Variants in BBX observed in about 807,000 individuals in gnomAD.
The protein encoded by BBX is HMG box transcription factor BBX.
A neutral mutation model predicts 100.2 loss-of-function variants in BBX; 30 were observed. The observed-to-expected ratio is 0.30, with a 90% CI of 0.22 to 0.41. BBX has a LOEUF of 0.41. BBX is among the 10% of genes least tolerant of loss of function. BBX has a pLI of 1.00. For missense variants in BBX, 1,023 were observed against 1,129.8 expected (o/e 0.91, Z 1.35); for synonymous variants, 376 against 388.1 (o/e 0.97, Z 0.37).
At chr3:107,725,338 A>G (rs974072991) in intron 5 of BBX, among the ~76,000 whole-genome samples, 33 of 152,268 alleles carry the variant, frequency 2.2e-4, no homozygotes, top group East Asian at 3.9e-4. Flanking sequence ...TAGATATACA[A>G]TCATGTCATC....
At chr3:107,752,321 A>T (rs926640184) in intron 9 of BBX, among the ~76,000 whole-genome samples, 1 of 152,208 alleles carries the variant, frequency 6.6e-6, no homozygotes, top group African/African-American at 2.4e-5. Context: ...ATTACAGTTG[A>T]TTAAAAACAC....
chr3:107,705,596 T>A (rs2061345517), intron 3 of BBX, among the ~76,000 whole-genome samples: 1 of 152,210 alleles, frequency 6.6e-6, no homozygotes. Flanking sequence ...TGGATCACTA[T>A]CAAATGGGAG....
At chr3:107,636,754 A>C (rs188188198) in intron 2 of BBX, among the ~76,000 whole-genome samples, 1 of 152,216 alleles carries the variant, frequency 6.6e-6, no homozygotes, top group Non-Finnish European at 1.5e-5. Context: ...AATTGGCTTA[A>C]TCTAAACTAA....
intron 10 of BBX, among the ~76,000 whole-genome samples, chr3:107,758,342 G>A (rs2065645409): frequency 6.6e-6 from 1 of 152,184 alleles, no homozygotes; most frequent in African/African-American, 2.4e-5. Flanking sequence ...GAGAGACTCG[G>A]AATGGCCCGC....
At chr3:107,642,459 C>T (rs1007607046) in intron 2 of BBX, among the ~76,000 whole-genome samples, 3 of 152,100 alleles carry the variant, frequency 2.0e-5, no homozygotes, top group Admixed American at 1.3e-4. Context: ...TACCTACTGA[C>T]GAAATGGAGG....
At chr3:107,787,898 A>C (rs1216924741) in intron 13 of BBX, among the ~76,000 whole-genome samples, 1 of 152,198 alleles carries the variant, frequency 6.6e-6, no homozygotes, top group Non-Finnish European at 1.5e-5. Context: ...AGGAACACTG[A>C]GACTACATGT....
rs2059626022 is a variant in BBX, at chr3:107,682,610, G to GT, written c.-9-27841dup. Among the ~76,000 whole-genome samples, 3 of 152,038 alleles carry GT rather than the reference G, an allele frequency of 2.0e-5. No homozygotes were observed. The South Asian group carries it at 6.2e-4, about 31-fold the overall frequency. Reference sequence around the variant, plus strand: ...TGGTTAATAAGCTAGGATGACTCTGGTATAAACAAACAATAGAAATTTAAA... The same window carrying GT: ...TGGTTAATAAGCTAGGATGACTCTGGTTATAAACAAACAATAGAAATTTAAA... On this transcript the variant is annotated intron_variant, in intron 3 of 17. Transcript: ENST00000325805.
At chr3:107,641,146 A>G (rs1467270033) in intron 2 of BBX, among the ~76,000 whole-genome samples, 1 of 144,062 alleles carries the variant, frequency 6.9e-6, no homozygotes, top group Non-Finnish European at 1.5e-5. Context: ...GTGCAATGGC[A>G]TTACCTAAGC....
Position 107,773,219 on chromosome 3 carries a change from A to G in BBX, c.1498A>G (p.Ile500Val). ...AGCCGTCGCAAAAGGAGACTGGGGCATAGAGAAACTTGGAGATACCCCTCG... is the reference window on the plus strand; with the variant it reads ...AGCCGTCGCAAAAGGAGACTGGGGCGTAGAGAAACTTGGAGATACCCCTCG... The part of the protein sequence containing the change: ...IEAVAKGDWG[I>V]EKLGDTPRKK... Residue 500 changes from isoleucine to valine, a missense_variant, in exon 11 of 18, where the codon ATA (isoleucine) becomes GTA (valine). Ile to Val is a conservative substitution (Grantham distance 29, BLOSUM62 3). Transcript: ENST00000325805. This position sits in a 1 kb window ranked among gnomAD's most constrained non-coding sequence, Gnocchi z 4.1. 6.2e-7 allele frequency: 1 copy of G among 1,614,116 alleles called. No individual in the cohort carries two copies.
chr3:107,582,000 G>A (rs1054073942), intron 2 of BBX, among the ~76,000 whole-genome samples: 3 of 151,888 alleles, frequency 2.0e-5, no homozygotes, highest in African/African-American at 7.3e-5. Flanking sequence ...ATGAGCCAAG[G>A]TATTTTTTAG....
intron 9 of BBX, among the ~76,000 whole-genome samples, chr3:107,751,243 C>T (rs2065054341): frequency 6.6e-6 from 1 of 152,112 alleles, no homozygotes. Flanking sequence ...AGAGGGATTC[C>T]TGGTCCTATT....
chr3:107,570,115 C>T (rs544221798), intron 2 of BBX, among the ~76,000 whole-genome samples: 11 of 152,284 alleles, frequency 7.2e-5, no homozygotes, highest in African/African-American at 2.2e-4. Flanking sequence ...GATCCTGGGG[C>T]GGGCAGTCCT....
At chr3:107,662,699 C>T (rs1030574902) in intron 3 of BBX, 18 of 139,242 alleles carry the variant, frequency 1.3e-4, no homozygotes, top group African/African-American at 2.2e-4. Context: ...TATTTTTAGA[C>T]GGTCCTAGCT....
At chr3:107,694,490 A>C (rs2060428623) in intron 3 of BBX, among the ~76,000 whole-genome samples, 1 of 145,938 alleles carries the variant, frequency 6.9e-6, no homozygotes, top group Non-Finnish European at 1.5e-5. Flanking sequence ...TATATGCTGG[A>C]TTACATTTAT....
At chr3:107,797,189 T>C (rs1265097725) in intron 15 of BBX, among the ~76,000 whole-genome samples, 2 of 151,628 alleles carry the variant, frequency 1.3e-5, no homozygotes, top group African/African-American at 4.8e-5. Flanking sequence ...GCCTTCTTTC[T>C]TGAGGATGTA....
intron 2 of BBX, among the ~76,000 whole-genome samples, chr3:107,532,394 T>C (rs2048222847): frequency 6.6e-6 from 1 of 152,226 alleles, no homozygotes; most frequent in Non-Finnish European, 1.5e-5. Context: ...AAACTTCGAA[T>C]ATACTTAATA....
intron 11 of BBX, 75 bp from the exon 12 acceptor site, chr3:107,774,644 C>T: frequency 6.7e-7 from 1 of 1,493,320 alleles, no homozygotes; most frequent in Admixed American, 2.0e-5. Context: ...CAAGAGGTTG[C>T]TCGTGAAGCA....
At chr3:107,690,058 T>A (rs950494816) in intron 3 of BBX, among the ~76,000 whole-genome samples, 2 of 152,238 alleles carry the variant, frequency 1.3e-5, no homozygotes, top group Non-Finnish European at 2.9e-5. Flanking sequence ...CCTAGGGTTT[T>A]TTAATGGCAG....
chr3:107,731,419 TC>T (rs2063309887), intron 6 of BBX, among the ~76,000 whole-genome samples: 1 of 152,158 alleles, frequency 6.6e-6, no homozygotes, highest in Admixed American at 6.5e-5. Context: ...TAAATTCATT[TC>T]CCTCTCTTGA....
Sources: gnomAD v4.1 joint callset for allele counts (sites outside exome capture counted in the v4.1 genomes callset) on GRCh38, gnomAD v4.1.1 for gene constraint, Gnocchi (gnomAD v3.1) non-coding constraint, MANE v1.5 for transcripts, NCBI Gene and HGNC (gene_info 2026-07-23, HGNC 2026-07-21) for gene names.